The following SDC2 variants were observed in gnomAD, a reference collection of about 807,000 sequenced individuals.
The protein encoded by SDC2 is syndecan 2, also known as syndecan-2.
SDC2 carries 13 observed loss-of-function variants against 22.2 expected under a neutral mutation model. That is an observed-to-expected ratio of 0.59 (90% CI 0.38 to 0.93). The LOEUF is 0.93. Among genes scored for constraint, SDC2 ranks in the 40% least tolerant of loss-of-function variants. The pLI, the probability that SDC2 is intolerant of heterozygous loss-of-function variation, is 0.00. For missense variants in SDC2, 235 were observed against 246.8 expected (o/e 0.95, Z 0.32); for synonymous variants, 94 against 92.8 (o/e 1.01, Z -0.07).
intron 1 of SDC2, among the ~76,000 whole-genome samples, chr8:96,580,150 C>T (rs1814566535): frequency 6.6e-6 from 1 of 152,202 alleles, no homozygotes; most frequent in Non-Finnish European, 1.5e-5. Context: ...TTGTGGTCAT[C>T]ACCGGTGGGC....
chr8:96,531,569 G>T (rs925463114), intron 1 of SDC2, among the ~76,000 whole-genome samples: 1 of 152,166 alleles, frequency 6.6e-6, no homozygotes, highest in African/African-American at 2.4e-5. Context: ...TATGCTGGCA[G>T]TTGCCTCACT....
intron 1 of SDC2, chr8:96,537,439 G>T (rs1813771482): frequency 6.6e-6 from 1 of 150,588 alleles, no homozygotes; most frequent in Non-Finnish European, 1.5e-5. Context: ...TCCAAGAGGA[G>T]TCATAAAGTT....
intron 1 of SDC2, among the ~76,000 whole-genome samples, chr8:96,560,071 A>G (rs1814182903): frequency 1.3e-5 from 2 of 152,144 alleles, no homozygotes; most frequent in African/African-American, 2.4e-5. Context: ...CCATCACTAC[A>G]ATCAATTTTA....
At chr8:96,495,260 C>G (rs903274907) in intron 1 of SDC2, among the ~76,000 whole-genome samples, 2 of 152,204 alleles carry the variant, frequency 1.3e-5, no homozygotes, top group African/African-American at 4.8e-5. Context: ...AGTCTCGTCT[C>G]CGGCGGAGCG....
chr8:96,500,406 A>C (rs895073370), intron 1 of SDC2, among the ~76,000 whole-genome samples: 1 of 152,110 alleles, frequency 6.6e-6, no homozygotes, highest in Non-Finnish European at 1.5e-5. Flanking sequence ...TCATGCCTGT[A>C]ATCCCAGCAC....
At chr8:96,496,034 A>C (rs1275667661) in intron 1 of SDC2, among the ~76,000 whole-genome samples, 1 of 152,220 alleles carries the variant, frequency 6.6e-6, no homozygotes, top group Non-Finnish European at 1.5e-5. Flanking sequence ...CTTGTTGCAA[A>C]ACAGGGCAAA....
intron 1 of SDC2, among the ~76,000 whole-genome samples, chr8:96,511,137 C>T (rs35155404): frequency 0.21 from 31,375 of 152,094 alleles, 3,554 homozygotes; most frequent in Non-Finnish European, 0.27. Flanking sequence ...AAAAGCCCTT[C>T]AGGGGATCCT....
Position 96,602,520 on chromosome 8 carries a change from C to G in SDC2, c.298C>G (p.Gln100Glu), listed in dbSNP as rs200349589. The G allele has an allele frequency of 1.9e-6, 3 of 1,614,030 alleles. No individual in the cohort carries two copies. The highest frequency in any genetic ancestry group is 2.5e-6 in the Non-Finnish European group (3 of 1,179,942). The change falls in exon 3 of 5, where the codon CAG becomes GAG. Residue 100 changes from glutamine to glutamate, a missense_variant. Physicochemically the swap from Gln to Glu is conservative, Grantham distance 29. Coordinates refer to ENST00000302190, the MANE Select transcript of SDC2 (RefSeq NM_002998.4). ...TLNIQNKIPA[Q>E]TKSPEETDKE... ...GAATATACAGAACAAGATACCTGCT[C>G]AGACAAAGGTGCGTTCTATTTTCCA...
intron 1 of SDC2, among the ~76,000 whole-genome samples, chr8:96,573,968 G>A (rs1814444997): frequency 6.6e-6 from 1 of 151,186 alleles, no homozygotes; most frequent in South Asian, 2.1e-4. Context: ...TCCTGTCTTG[G>A]TGCCCTAAAT....
At chr8:96,537,942 A>ATC (rs1813779592) in intron 1 of SDC2, among the ~76,000 whole-genome samples, 1 of 95,562 alleles carries the variant, frequency 1.0e-5, no homozygotes, top group Admixed American at 1.0e-4. Flanking sequence ...TGTAAAGCTT[A>ATC]TGTTTTGTTT....
chr8:96,509,768 G>A (rs182222010), intron 1 of SDC2, among the ~76,000 whole-genome samples: 2 of 152,100 alleles, frequency 1.3e-5, no homozygotes, highest in Non-Finnish European at 2.9e-5. Context: ...TATTCTTAAC[G>A]TATGCTTTCT....
intron 1 of SDC2, chr8:96,538,947 G>T (rs943140185): frequency 6.6e-6 from 1 of 152,226 alleles, no homozygotes; most frequent in Non-Finnish European, 1.5e-5. Context: ...CTTAGGAAAG[G>T]CAGTAACAGG....
chr8:96,505,502 A>G (rs536619980), intron 1 of SDC2, among the ~76,000 whole-genome samples: 5 of 152,160 alleles, frequency 3.3e-5, no homozygotes, highest in East Asian at 1.9e-4. Context: ...GGGTTTCACC[A>G]TGTTGGCCAG....
intron 1 of SDC2, among the ~76,000 whole-genome samples, chr8:96,534,350 A>G (rs1305403135): frequency 3.9e-5 from 6 of 152,186 alleles, no homozygotes; most frequent in Admixed American, 3.9e-4. Context: ...GAGGGATGCG[A>G]GGGCTGCCAG....
intron 1 of SDC2, among the ~76,000 whole-genome samples, chr8:96,523,461 T>C (rs1813528789): frequency 6.6e-6 from 1 of 152,230 alleles, no homozygotes; most frequent in South Asian, 2.1e-4. Flanking sequence ...GGGGTAACTC[T>C]TGGAGTCCTA....
At chr8:96,607,708 A>G (rs1563680246) in intron 3 of SDC2, among the ~76,000 whole-genome samples, 2 of 152,144 alleles carry the variant, frequency 1.3e-5, no homozygotes. Flanking sequence ...CGTTCATTAG[A>G]CAGGTGAGGA....
chr8:96,517,724 T>C (rs1216171220), intron 1 of SDC2, among the ~76,000 whole-genome samples: 1 of 151,930 alleles, frequency 6.6e-6, no homozygotes, highest in Non-Finnish European at 1.5e-5. Flanking sequence ...TACATATTTT[T>C]GTATGTATAT....
chr8:96,577,902 T>C (rs1458574780), intron 1 of SDC2, among the ~76,000 whole-genome samples: 1 of 152,250 alleles, frequency 6.6e-6, no homozygotes, highest in African/African-American at 2.4e-5. Flanking sequence ...CATGTCTTTT[T>C]GATGGCTTGA....
chr8:96,504,695 T>C (rs892687455), intron 1 of SDC2, among the ~76,000 whole-genome samples: 3 of 152,252 alleles, frequency 2.0e-5, no homozygotes, highest in Non-Finnish European at 4.4e-5. Flanking sequence ...TATGTATAAA[T>C]ATATACGCAT....
Sources: allele counts gnomAD v4.1 joint callset (sites outside exome capture counted in the v4.1 genomes callset), GRCh38; gene constraint gnomAD v4.1.1; transcripts MANE v1.5; gene names NCBI Gene and HGNC (gene_info 2026-07-23, HGNC 2026-07-21).